Variants in NPRL2 observed in about 807,000 individuals in gnomAD.
The protein encoded by NPRL2 is GATOR1 complex protein NPRL2.
A neutral mutation model predicts 51.1 loss-of-function variants in NPRL2; 21 were observed. The ratio of observed to expected loss-of-function variants is 0.41; its 90% CI spans 0.29 to 0.59. NPRL2 has a LOEUF of 0.59. NPRL2 is among the 20% of genes least tolerant of loss of function. NPRL2 has a pLI of 0.29. For synonymous variants in NPRL2, 175 were observed against 187.8 expected, an observed-to-expected ratio of 0.93 and a Z score of 0.56; for missense variants, 376 against 483.4, an observed-to-expected ratio of 0.78 and a Z score of 2.08.
In NPRL2 at chr3:50,350,492, C is replaced by A. The variant is rs1054811831; in HGVS notation, c.78+83G>T. ...TGAAGCAGCATGCCTGCGTGCAGCA[C>A]GGGAAACTACTGCCTTCAGGCAGCC... is the stretch of plus-strand genomic sequence containing the variant. On this transcript the variant is annotated intron_variant, in intron 1 of 10. Coordinates refer to ENST00000232501, the MANE Select transcript of NPRL2 (RefSeq NM_006545.5). This position sits in a 1 kb window ranked among gnomAD's most constrained non-coding sequence, Gnocchi z 5.7. 3.6e-6 allele frequency: 5 copies of A among 1,376,592 alleles called. No homozygotes were observed. The highest frequency in any genetic ancestry group is 1.3e-5 in the South Asian group (1 of 78,784). The allele number at this position is 1,376,592 out of a possible 1,614,324, so 85.3% of individuals were successfully genotyped here.
chr3:50,347,653 C>A lies in NPRL2; in HGVS notation c.1096G>T (p.Asp366Tyr), dbSNP rs771519795. The stretch of plus-strand genomic sequence containing the variant: ...TTGGGGTCATTTTCAAGCCGCTCAT[C>A]CAGCTCATGGTAGCTCATGCCTGGG... Reference protein sequence around the residue: ...CKTGMSYHELDERLENDPNII... With the variant: ...CKTGMSYHELYERLENDPNII... Residue 366 changes from aspartate (D) to tyrosine (Y), a missense_variant, in exon 11 of 11, where the codon GAT becomes TAT. Physicochemically the swap from Asp to Tyr is radical, Grantham distance 160 (BLOSUM62 -3). Coordinates refer to ENST00000232501, the MANE Select transcript of NPRL2 (RefSeq NM_006545.5). 1 of 1,614,126 alleles carries A rather than the reference C, an allele frequency of 6.2e-7. No homozygotes were observed. Among genetic ancestry groups the A allele is most frequent in the Non-Finnish European group, 8.5e-7 (1 of 1,180,038 alleles).
At position 50,350,068 on chromosome 3, in the gene NPRL2, G is replaced by A. The variant is rs1177383283; in HGVS notation, c.79-46C>T. 1 of 1,496,114 alleles carries A rather than the reference G, an allele frequency of 6.7e-7. No homozygotes were observed. Among genetic ancestry groups the A allele is most frequent in the Admixed American group, 1.7e-5 (1 of 59,772 alleles). 92.7% of individuals were successfully genotyped at this position (1,496,114 alleles called of 1,614,324 possible). ...GGGCCCCTCAGTGGACATCTGTACT[G>A]GGTGTAGTACAAATGGTGACCTCCT... is the stretch of plus-strand genomic sequence containing the variant. On this transcript the variant is annotated intron_variant, in intron 1 of 10. Transcript: ENST00000232501. The surrounding 1 kb of genome is among the most constrained non-coding windows in gnomAD (Gnocchi z 5.7).
rs759658766 is a variant in NPRL2, at chr3:50,348,299, C to G, written c.814+18G>C. ...CCCTGCCCTCCCCAAGATGGCTTCC[C>G]CCAGAACCCACCACTACCTTGCTTG... On this transcript the variant is annotated intron_variant, in intron 8 of 10. Coordinates refer to ENST00000232501, the MANE Select transcript of NPRL2 (RefSeq NM_006545.5). This position sits in a 1 kb window ranked among gnomAD's most constrained non-coding sequence, Gnocchi z 5.8. The G allele has an allele frequency of 6.2e-7, 1 of 1,613,876 alleles. No homozygotes were observed. The highest frequency in any genetic ancestry group is 8.5e-7 in the Non-Finnish European group (1 of 1,179,914).
At position 50,347,440 on chromosome 3, in the gene NPRL2, T is replaced by C. The variant is rs1703589556; in HGVS notation, c.*166A>G. On this transcript the variant is annotated 3_prime_UTR_variant, in exon 11 of 11. Coordinates refer to ENST00000232501, the MANE Select transcript of NPRL2 (RefSeq NM_006545.5). ...AGCCCACGGCTCGTGGCTATTTCAT[T>C]CACTGCTGGGTCTCCCACGGCTGGC... is the stretch of plus-strand genomic sequence containing the variant. 5.6e-6 allele frequency: 4 copies of C among 712,474 alleles called. No homozygotes were observed. The highest frequency in any genetic ancestry group is 9.2e-6 in the Non-Finnish European group (4 of 437,076). The allele number at this position is 712,474 out of a possible 1,614,324, so 44.1% of individuals were successfully genotyped here. A position where few individuals can be genotyped will look rare whatever the true frequency, so the allele number is the denominator to read the frequency against.
rs1703683284 is a variant in NPRL2, at chr3:50,349,605, C to T, written c.339+60G>A. 1 of 1,604,332 alleles carries T rather than the reference C, an allele frequency of 6.2e-7. No individual in the cohort carries two copies. Reference sequence around the variant, plus strand: ...TCCCAGGTTTGGGGGACTTTGGAGACATGGGAACACCTTCCCCAACTCTGC... The same window carrying T: ...TCCCAGGTTTGGGGGACTTTGGAGATATGGGAACACCTTCCCCAACTCTGC... On this transcript the variant is annotated intron_variant, in intron 3 of 10. Transcript: ENST00000232501. The surrounding 1 kb of genome is among the most constrained non-coding windows in gnomAD (Gnocchi z 4.6).
Position 50,350,350 on chromosome 3 carries a change from G to A in NPRL2, c.78+225C>T. ...CTGTGGGACCTGGAACCCCCCAACC[G>A]GATCCCTACAGCCCGATATCCTACA... On this transcript the variant is annotated intron_variant, in intron 1 of 10. Transcript: ENST00000232501. This position sits in a 1 kb window ranked among gnomAD's most constrained non-coding sequence, Gnocchi z 5.7. 3.3e-6 allele frequency: 2 copies of A among 614,222 alleles called. No homozygotes were observed. The highest frequency in any genetic ancestry group is 5.7e-6 in the Non-Finnish European group (2 of 350,916). The allele number at this position is 614,222 out of a possible 1,614,324, so 38.0% of individuals were successfully genotyped here. A position where few individuals can be genotyped will look rare whatever the true frequency, so the allele number is the denominator to read the frequency against.
chr3:50,348,913 C>T lies in NPRL2; in HGVS notation c.546G>A (p.Glu182=), dbSNP rs184716945. Residue 182 remains glutamate (E), a synonymous_variant, in exon 5 of 11, where the codon GAG becomes GAA. Transcript: ENST00000232501. The surrounding 1 kb of genome is among the most constrained non-coding windows in gnomAD (Gnocchi z 5.8). ...GGTCCCACTGTGAGTTGAAGAAATC[C>T]TCCTTGTCTTTGGTAAAGACAGGTA... ...YDVPVFTKDK[E]DFFNSQWDLT... 7.4e-6 allele frequency: 12 copies of T among 1,614,076 alleles called. No individual in the cohort carries two copies. The African/African-American group carries it at 1.2e-4, about 16-fold the overall frequency.
Position 50,348,381 on chromosome 3 carries a change from C to T in NPRL2, c.750G>A (p.Lys250=), listed in dbSNP as rs587659176. Residue 250 remains lysine (K), a synonymous_variant, in exon 8 of 11, where the codon AAG becomes AAA. Transcript: ENST00000232501. This position sits in a 1 kb window ranked among gnomAD's most constrained non-coding sequence, Gnocchi z 5.8. The stretch of plus-strand genomic sequence containing the variant: ...ACTTGTCATCTACCAGGTCCTGGAC[C>T]TTGGGCGTTGGGCAGTATACATTGG... The part of the protein sequence containing the change: ...QYSNVYCPTP[K]VQDLVDDKSL... The T allele has an allele frequency of 6.2e-6, 10 of 1,613,898 alleles. No individual in the cohort carries two copies. In the African/African-American group the frequency reaches 8.0e-5, roughly 13 times the overall value.
Position 50,350,639 on chromosome 3 carries a change from C to A in NPRL2, c.14G>T (p.Cys5Phe). 1 of 1,606,648 alleles carries A rather than the reference C, an allele frequency of 6.2e-7. No individual in the cohort carries two copies. Among genetic ancestry groups the A allele is most frequent in the East Asian group, 2.2e-5 (1 of 44,594 alleles). MGSG[C>F]RIECIFFSEF... ...GCTGAAGAATATGCATTCGATGCGG[C>A]AGCCGCTGCCCATGGCAATAACCGG... Residue 5 changes from cysteine to phenylalanine, a missense_variant, in exon 1 of 11, where the codon TGC (cysteine) becomes TTC (phenylalanine). Cys to Phe is a radical substitution (Grantham distance 205). Coordinates refer to ENST00000232501, the MANE Select transcript of NPRL2 (RefSeq NM_006545.5). This position sits in a 1 kb window ranked among gnomAD's most constrained non-coding sequence, Gnocchi z 5.7.
At position 50,349,721 on chromosome 3, in the gene NPRL2, T is replaced by C. The variant is rs748413371; in HGVS notation, c.283A>G (p.Thr95Ala). The change falls in exon 3 of 11, where the codon ACC becomes GCC. Residue 95 changes from threonine to alanine, a missense_variant. Physicochemically the swap from Thr to Ala is moderately conservative, Grantham distance 58 (BLOSUM62 0). Transcript: ENST00000232501. The surrounding 1 kb of genome is among the most constrained non-coding windows in gnomAD (Gnocchi z 4.6). ...TTAACAATGGGCTCGAGGGCGCAGG[T>C]CTTGGCCTGGGCATCACACACGAAG... ...LGFVCDAQAK[T>A]CALEPIVKKL... 5 of 1,613,772 alleles carry C rather than the reference T, an allele frequency of 3.1e-6. No homozygotes were observed. Among genetic ancestry groups the C allele is most frequent in the Non-Finnish European group, 4.2e-6 (5 of 1,179,924 alleles).
Position 50,349,605 on chromosome 3 carries a change from C to CA in NPRL2, c.339+59dup. ...TCCCAGGTTTGGGGGACTTTGGAGA[C>CA]ATGGGAACACCTTCCCCAACTCTGC... On this transcript the variant is annotated intron_variant, in intron 3 of 10. Transcript: ENST00000232501. This position sits in a 1 kb window ranked among gnomAD's most constrained non-coding sequence, Gnocchi z 4.6. 6.2e-7 allele frequency: 1 copy of CA among 1,604,332 alleles called. No individual in the cohort carries two copies. The highest frequency in any genetic ancestry group is 8.5e-7 in the Non-Finnish European group (1 of 1,172,878).
chr3:50,349,417 T>G lies in NPRL2; in HGVS notation c.417A>C (p.Leu139=). The part of the protein sequence containing the change: ...VPIMTILLEE[L]NASGRCTLPI... The stretch of plus-strand genomic sequence containing the variant: ...GCAGAGTGCACCGGCCTGAGGCATT[T>G]AGCTCCTCCAGCAAGATGGTCATGA... The change falls in exon 4 of 11, where the codon CTA becomes CTC. Residue 139 remains leucine, a synonymous_variant. Coordinates refer to ENST00000232501, the MANE Select transcript of NPRL2 (RefSeq NM_006545.5). This position sits in a 1 kb window ranked among gnomAD's most constrained non-coding sequence, Gnocchi z 4.6. The G allele has an allele frequency of 6.2e-7, 1 of 1,613,742 alleles. No individual in the cohort carries two copies. The highest frequency in any genetic ancestry group is 1.3e-5 in the African/African-American group (1 of 75,030).
Position 50,349,960 on chromosome 3 carries a change from C to T in NPRL2, c.141G>A (p.Lys47=), listed in dbSNP as rs1703699886. The change falls in exon 2 of 11, where the codon AAG becomes AAA. Residue 47 remains lysine, a synonymous_variant. Transcript: ENST00000232501. This position sits in a 1 kb window ranked among gnomAD's most constrained non-coding sequence, Gnocchi z 4.6. The part of the protein sequence containing the change: ...FDTVQVYIIT[K]PELQNKLITV... ...TGATAAGCTTGTTCTGCAGCTCTGG[C>T]TTGGTGATGATGTACACTTGGACTG... 6.2e-7 allele frequency: 1 copy of T among 1,613,954 alleles called. No homozygotes were observed. The highest frequency in any genetic ancestry group is 1.3e-5 in the African/African-American group (1 of 75,006).
Position 50,350,731 on chromosome 3 carries a change from G to T in NPRL2, c.-79C>A. The T allele has an allele frequency of 6.5e-7, 1 of 1,530,582 alleles. No homozygotes were observed. Among genetic ancestry groups the T allele is most frequent in the Non-Finnish European group, 8.8e-7 (1 of 1,138,748 alleles). The allele number at this position is 1,530,582 out of a possible 1,614,324, so 94.8% of individuals were successfully genotyped here. ...CCACCTCCTGTGAACACTTGTCAGA[G>T]ACAGCCTCGAGGCCTGTGTCGCTGG... On this transcript the variant is annotated 5_prime_UTR_variant, in exon 1 of 11. Transcript: ENST00000232501. The surrounding 1 kb of genome is among the most constrained non-coding windows in gnomAD (Gnocchi z 5.7).
chr3:50,349,487 C>T lies in NPRL2; in HGVS notation c.347G>A (p.Ser116Asn). Residue 116 changes from serine to asparagine, a missense_variant, in exon 4 of 11, where the codon AGC (serine) becomes AAC (asparagine). Ser to Asn is a conservative substitution (Grantham distance 46). Coordinates refer to ENST00000232501, the MANE Select transcript of NPRL2 (RefSeq NM_006545.5). This position sits in a 1 kb window ranked among gnomAD's most constrained non-coding sequence, Gnocchi z 4.6. The stretch of plus-strand genomic sequence containing the variant: ...GCTCTCCTCCATGGACACGAAGCTG[C>T]TCTCTAGCTAGACAGAGCATGGAAA... ...AGYLTTLELE[S>N]SFVSMEESKQ... is the part of the protein sequence containing the mutation. The T allele has an allele frequency of 6.2e-7, 1 of 1,613,912 alleles. No individual in the cohort carries two copies. Among genetic ancestry groups the T allele is most frequent in the East Asian group, 2.2e-5 (1 of 44,854 alleles).
Position 50,348,257 on chromosome 3 carries a change from A to T in NPRL2, c.815-16T>A. 6.2e-7 allele frequency: 1 copy of T among 1,613,764 alleles called. No individual in the cohort carries two copies. The highest frequency in any genetic ancestry group is 8.5e-7 in the Non-Finnish European group (1 of 1,179,884). Reference sequence around the variant, plus strand: ...CTCTTGTGCCCTGTGGGTGCCAGGGATCAGCTCATCATGTGGCCCTGCCCT... The same window carrying T: ...CTCTTGTGCCCTGTGGGTGCCAGGGTTCAGCTCATCATGTGGCCCTGCCCT... On this transcript the variant is annotated splice_polypyrimidine_tract_variant and intron_variant, in intron 8 of 10. Transcript: ENST00000232501. The surrounding 1 kb of genome is among the most constrained non-coding windows in gnomAD (Gnocchi z 5.8).
chr3:50,350,243 T>C lies in NPRL2; in HGVS notation c.79-221A>G. Reference sequence around the variant, plus strand: ...GCTGTTCCCTCTACCTGGAACACTTTCTCCTGCCTTACCTAAACTTCCTAT... The same window carrying C: ...GCTGTTCCCTCTACCTGGAACACTTCCTCCTGCCTTACCTAAACTTCCTAT... On this transcript the variant is annotated intron_variant, in intron 1 of 10. Transcript: ENST00000232501. The surrounding 1 kb of genome is among the most constrained non-coding windows in gnomAD (Gnocchi z 5.7). The C allele has an allele frequency of 1.7e-6, 1 of 597,318 alleles. No homozygotes were observed. The highest frequency in any genetic ancestry group is 2.8e-5 in the East Asian group (1 of 35,964). The allele number at this position is 597,318 out of a possible 1,614,324, so 37.0% of individuals were successfully genotyped here.
Position 50,350,387 on chromosome 3 carries a change from T to G in NPRL2, c.78+188A>C, listed in dbSNP as rs1703716567. The G allele has an allele frequency of 4.6e-6, 3 of 648,326 alleles. No individual in the cohort carries two copies. Among genetic ancestry groups the G allele is most frequent in the South Asian group, 3.8e-5 (2 of 52,096 alleles). 40.2% of individuals were successfully genotyped at this position (648,326 alleles called of 1,614,324 possible). A position where few individuals can be genotyped will look rare whatever the true frequency, so the allele number is the denominator to read the frequency against. On this transcript the variant is annotated intron_variant, in intron 1 of 10. Coordinates refer to ENST00000232501, the MANE Select transcript of NPRL2 (RefSeq NM_006545.5). This position sits in a 1 kb window ranked among gnomAD's most constrained non-coding sequence, Gnocchi z 5.7. ...CCCGATATCCTACAAACACTGCCAA[T>G]GTGACGTATGTCTTCCCTGCCACAT...
rs1202605879 is a variant in NPRL2 at position 50,350,111 on chromosome 3, A to C, written c.79-89T>G. 4 of 1,048,508 alleles carry C rather than the reference A, an allele frequency of 3.8e-6. No individual in the cohort carries two copies. Among genetic ancestry groups the C allele is most frequent in the Non-Finnish European group, 5.8e-6 (4 of 685,458 alleles). 65.0% of individuals were successfully genotyped at this position (1,048,508 alleles called of 1,614,324 possible). A position where few individuals can be genotyped will look rare whatever the true frequency, so the allele number is the denominator to read the frequency against. The stretch of plus-strand genomic sequence containing the variant: ...GACCTCCTCATGCCCCCCAAGCCCA[A>C]GTCCTCTTCTCCAGCGTTCCCCTCT... On this transcript the variant is annotated intron_variant, in intron 1 of 10. Coordinates refer to ENST00000232501, the MANE Select transcript of NPRL2 (RefSeq NM_006545.5). This position sits in a 1 kb window ranked among gnomAD's most constrained non-coding sequence, Gnocchi z 5.7.
Sources: gnomAD v4.1 joint callset for allele counts on GRCh38, gnomAD v4.1.1 for gene constraint, Gnocchi (gnomAD v3.1) non-coding constraint, MANE v1.5 for transcripts, NCBI Gene and HGNC (gene_info 2026-07-23, HGNC 2026-07-21) for gene names.